The following CHSY3 variants were observed in gnomAD, a reference collection of about 807,000 sequenced individuals.
The protein encoded by CHSY3 is chondroitin sulfate synthase 3, also known as N-acetylgalactosaminyl-proteoglycan 3-beta-glucuronosyltransferase 3.
In CHSY3, 35 loss-of-function variants were observed where a neutral mutation model predicts 67.2. That is an observed-to-expected ratio of 0.52 (90% CI 0.40 to 0.69). The LOEUF is 0.69. Among genes scored for constraint, CHSY3 ranks in the 30% least tolerant of loss-of-function variants. The pLI is 0.00. For missense variants in CHSY3, 1,069 were observed against 1,138.5 expected (o/e 0.94, Z 0.88); for synonymous variants, 474 against 434.7 (o/e 1.09, Z -1.12).
intron 2 of CHSY3, among the ~76,000 whole-genome samples, chr5:130,137,236 C>T (rs1359364626): frequency 6.6e-6 from 1 of 152,154 alleles, no homozygotes; most frequent in East Asian, 1.9e-4. Context: ...CTGTCGTTTT[C>T]CATGCTATTT....
intron 2 of CHSY3, among the ~76,000 whole-genome samples, chr5:129,930,510 G>C (rs114701103): frequency 1.9e-4 from 28 of 145,228 alleles, no homozygotes; most frequent in East Asian, 1.9e-3. Context: ...ATCACTGGCG[G>C]GGGGGGGGTA....
intron 2 of CHSY3, among the ~76,000 whole-genome samples, chr5:129,933,821 T>A (rs1257108464): frequency 1.3e-5 from 2 of 152,156 alleles, no homozygotes; most frequent in Admixed American, 1.3e-4. Context: ...TAATTCTAAT[T>A]CTAATTGGAT....
At chr5:130,039,124 AACAGGG>A (rs768023983) in intron 2 of CHSY3, among the ~76,000 whole-genome samples, 10 of 152,148 alleles carry the variant, frequency 6.6e-5, no homozygotes, top group Non-Finnish European at 1.5e-4. Context: ...CTTCACACAG[AACAGGG>A]AGTTCATTGT....
At chr5:130,143,888 A>C (rs1768993853) in intron 2 of CHSY3, among the ~76,000 whole-genome samples, 1 of 136,868 alleles carries the variant, frequency 7.3e-6, no homozygotes, top group Non-Finnish European at 1.6e-5. Flanking sequence ...CTATTTTCCA[A>C]AGTAGTTGAA....
intron 2 of CHSY3, among the ~76,000 whole-genome samples, chr5:130,000,885 C>CTTT (rs545172978): frequency 8.0e-6 from 1 of 124,664 alleles, no homozygotes. Context: ...AGCCTGTCTT[C>CTTT]TTTTTTTTTT....
At chr5:130,115,112 TTTC>T (rs1767747925) in intron 2 of CHSY3, among the ~76,000 whole-genome samples, 1 of 152,062 alleles carries the variant, frequency 6.6e-6, no homozygotes, top group African/African-American at 2.4e-5. Flanking sequence ...GGTAATTTTA[TTTC>T]TTTTCTCAAA....
chr5:130,181,734 A>G (rs1217286266), intron 2 of CHSY3, among the ~76,000 whole-genome samples: 1 of 152,144 alleles, frequency 6.6e-6, no homozygotes, highest in African/African-American at 2.4e-5. Flanking sequence ...TTCCAACAGC[A>G]AACCATATAG....
At chr5:130,152,016 C>G (rs1331534092) in intron 2 of CHSY3, among the ~76,000 whole-genome samples, 1 of 152,164 alleles carries the variant, frequency 6.6e-6, no homozygotes. Context: ...ACTAGGTGCC[C>G]TTGAGCCAGC....
intron 2 of CHSY3, among the ~76,000 whole-genome samples, chr5:129,910,707 T>C (rs1760507969): frequency 6.6e-6 from 1 of 152,022 alleles, no homozygotes; most frequent in East Asian, 1.9e-4. Flanking sequence ...GGTTATAACA[T>C]TCACAGATCC....
At chr5:130,142,607 A>G (rs1340395272) in intron 2 of CHSY3, among the ~76,000 whole-genome samples, 2 of 152,218 alleles carry the variant, frequency 1.3e-5, no homozygotes, top group African/African-American at 4.8e-5. Flanking sequence ...ATAATATCAA[A>G]AGATAAATGA....
intron 2 of CHSY3, among the ~76,000 whole-genome samples, chr5:130,132,889 A>G (rs952991971): frequency 2.0e-5 from 3 of 152,188 alleles, no homozygotes; most frequent in African/African-American, 7.2e-5. Flanking sequence ...ATGTTGAGAA[A>G]CCCTGAAGTA....
At chr5:130,006,086 T>C (rs1312731264) in intron 2 of CHSY3, among the ~76,000 whole-genome samples, 2 of 152,172 alleles carry the variant, frequency 1.3e-5, no homozygotes, top group African/African-American at 2.4e-5. Flanking sequence ...TAAATAAGCA[T>C]TGCAGAAAAT....
At chr5:130,153,827 GTTTGT>G (rs1484617536) in intron 2 of CHSY3, among the ~76,000 whole-genome samples, 3 of 151,824 alleles carry the variant, frequency 2.0e-5, no homozygotes, top group African/African-American at 7.3e-5. Context: ...TCGTTTTTTT[GTTTGT>G]TTTATTTTTT....
chr5:130,011,494 A>G (rs935340465), intron 2 of CHSY3, among the ~76,000 whole-genome samples: 12 of 152,216 alleles, frequency 7.9e-5, no homozygotes, highest in African/African-American at 2.4e-4. Flanking sequence ...AGAGTCACCT[A>G]TTACAAACCA....
chr5:129,954,901 C>T (rs1018173242), intron 2 of CHSY3, among the ~76,000 whole-genome samples: 10 of 152,098 alleles, frequency 6.6e-5, no homozygotes, highest in South Asian at 6.2e-4. Context: ...TGGAGTCTCG[C>T]TCTGCCACCC....
intron 2 of CHSY3, among the ~76,000 whole-genome samples, chr5:129,957,747 C>G (rs940056835): frequency 2.6e-5 from 4 of 152,080 alleles, no homozygotes; most frequent in Admixed American, 2.0e-4. Context: ...TTAGGTTCTT[C>G]CTTTATCCCC....
intron 2 of CHSY3, among the ~76,000 whole-genome samples, chr5:130,158,483 C>T (rs1026058958): frequency 6.6e-6 from 1 of 152,086 alleles, no homozygotes; most frequent in Non-Finnish European, 1.5e-5. Flanking sequence ...AAGTGGTACC[C>T]GGCAAATACT....
intron 2 of CHSY3, among the ~76,000 whole-genome samples, chr5:130,004,576 T>C (rs1055505288): frequency 6.6e-6 from 1 of 152,166 alleles, no homozygotes; most frequent in Non-Finnish European, 1.5e-5. Context: ...GAAAAGGTGA[T>C]GCAAAAATGT....
chr5:129,974,826 A>T (rs1329475827), intron 2 of CHSY3: 1 of 152,174 alleles, frequency 6.6e-6, no homozygotes, highest in Non-Finnish European at 1.5e-5. Flanking sequence ...TTACATGAAC[A>T]TATATTATTT....
Sources: allele counts gnomAD v4.1 joint callset (sites outside exome capture counted in the v4.1 genomes callset), GRCh38; gene constraint gnomAD v4.1.1; transcripts MANE v1.5; gene names NCBI Gene and HGNC (gene_info 2026-07-23, HGNC 2026-07-21).